ADCY5: variants seen among roughly 807,000 people sequenced by gnomAD.
ADCY5 encodes the protein adenylate cyclase type 5.
In ADCY5, 30 loss-of-function variants were observed where a neutral mutation model predicts 119.7. That is an observed-to-expected ratio of 0.25 (90% confidence interval 0.19 to 0.34). ADCY5 has a LOEUF of 0.34. Among genes scored for constraint, ADCY5 ranks in the 10% least tolerant of loss-of-function variants. ADCY5 has a pLI of 1.00. For synonymous variants in ADCY5, 753 were observed against 762.2 expected (o/e 0.99, Z 0.20); for missense variants, 1,324 against 1,775.2 (o/e 0.75, Z 4.57).
At chr3:123,403,655 A>C (rs1440105590) in intron 1 of ADCY5, among the ~76,000 whole-genome samples, 1 of 152,088 alleles carries the variant, frequency 6.6e-6, no homozygotes, top group African/African-American at 2.4e-5. Context: ...CCTCAACACC[A>C]CTGCCGTGAG....
chr3:123,368,603 T>A (rs1466179158), intron 1 of ADCY5, among the ~76,000 whole-genome samples: 1 of 151,916 alleles, frequency 6.6e-6, no homozygotes, highest in Non-Finnish European at 1.5e-5. Context: ...TCAAAAAAAA[T>A]TAGCTGGACA....
At chr3:123,363,224 T>C (rs1000416029) in intron 1 of ADCY5, among the ~76,000 whole-genome samples, 1 of 114,352 alleles carries the variant, frequency 8.7e-6, no homozygotes, top group Non-Finnish European at 1.9e-5. Context: ...AAAGTAAAAA[T>C]ACAAATGACT....
Position 123,425,775 on chromosome 3 carries a change from T to C in ADCY5, c.1134+21637A>G, listed in dbSNP as rs372751052. On this transcript the variant is annotated intron_variant, in intron 1 of 20. Coordinates refer to ENST00000462833, the MANE Select transcript of ADCY5 (RefSeq NM_183357.3). ...GCTTACAAGCTGGTCCCAGTCAGGT[T>C]CTAGGGGCAGCCTGGCTCCTGGAAG... Among the ~76,000 whole-genome samples the C allele has an allele frequency of 3.6e-4, 52 of 145,966 alleles. 1 individual carries two copies. In the East Asian group the frequency reaches 0.011, roughly 31 times the overall value.
At chr3:123,345,409 C>G (rs1294390871) in intron 3 of ADCY5, among the ~76,000 whole-genome samples, 1 of 152,164 alleles carries the variant, frequency 6.6e-6, no homozygotes, top group Admixed American at 6.5e-5. Flanking sequence ...ACTGAATGAG[C>G]GAAACCTGCA....
chr3:123,376,700 G>C (rs60414302), intron 1 of ADCY5, among the ~76,000 whole-genome samples: 31,905 of 152,040 alleles, frequency 0.21, 3,494 homozygotes, highest in Middle Eastern at 0.25. Flanking sequence ...AGTGGCTGGC[G>C]TGAGTGAAGA....
At chr3:123,329,101 A>G (rs1941639664) in intron 5 of ADCY5, among the ~76,000 whole-genome samples, 1 of 152,242 alleles carries the variant, frequency 6.6e-6, no homozygotes, top group African/African-American at 2.4e-5. Flanking sequence ...CTGCCCTGTC[A>G]ATTAAATTGT....
Position 123,316,698 on chromosome 3 carries a change from G to A in ADCY5, c.2354+1322C>T, listed in dbSNP as rs80055690. 2.6e-4 allele frequency among the ~76,000 whole-genome samples: 40 copies of A among 152,306 alleles called. No individual in the cohort carries two copies. The East Asian group carries it at 7.7e-3, about 29-fold the overall frequency. ...GACCCTGGCTACAAATAAACTAAAA[G>A]TAGAAGACATTTTGGGGGACAGTTT... On this transcript the variant is annotated intron_variant, in intron 11 of 20. Coordinates refer to ENST00000462833, the MANE Select transcript of ADCY5 (RefSeq NM_183357.3).
intron 1 of ADCY5, among the ~76,000 whole-genome samples, chr3:123,385,703 T>C (rs900309752): frequency 6.6e-6 from 1 of 152,192 alleles, no homozygotes; most frequent in African/African-American, 2.4e-5. Context: ...CTTGGACAAG[T>C]TACTTAACCT....
Position 123,283,573 on chromosome 3 carries a change from ACTGCTCTGGTGG to A in ADCY5, c.*1023_*1034del, listed in dbSNP as rs1186928168. On this transcript the variant is annotated 3_prime_UTR_variant, in exon 21 of 21. Coordinates refer to ENST00000462833, the MANE Select transcript of ADCY5 (RefSeq NM_183357.3). ...TATGGTACCCCAAAAGCACACACCC[ACTGCTCTGGTGG>A]TACCTTGGAAAACCCAAAACTGCCA... 1 of 152,212 alleles carries A rather than the reference ACTGCTCTGGTGG, an allele frequency of 6.6e-6. No homozygotes were observed. Among genetic ancestry groups the A allele is most frequent in the East Asian group, 1.9e-4 (1 of 5,186 alleles). 9.4% of individuals were successfully genotyped at this position (152,212 alleles called of 1,614,324 possible).
At chr3:123,308,292 C>T (rs576705575) in intron 12 of ADCY5, among the ~76,000 whole-genome samples, 23 of 151,894 alleles carry the variant, frequency 1.5e-4, no homozygotes, top group Non-Finnish European at 3.2e-4. Flanking sequence ...CCGCCTCAGC[C>T]TCCCAAAGTG....
intron 1 of ADCY5, among the ~76,000 whole-genome samples, chr3:123,374,940 G>A (rs1943765975): frequency 6.6e-6 from 1 of 152,232 alleles, no homozygotes; most frequent in African/African-American, 2.4e-5. Context: ...CTGAAGGGTT[G>A]AGAAGTGCCC....
intron 1 of ADCY5, among the ~76,000 whole-genome samples, chr3:123,434,389 T>C (rs1160721854): frequency 6.6e-6 from 1 of 152,156 alleles, no homozygotes; most frequent in East Asian, 1.9e-4. Context: ...CAGGAATCTA[T>C]CACCCCCAGT....
chr3:123,443,710 GTGGGAGATGGGT>G (rs1371939617), intron 1 of ADCY5, among the ~76,000 whole-genome samples: 2 of 152,216 alleles, frequency 1.3e-5, no homozygotes, highest in African/African-American at 4.8e-5. Context: ...ACAGGGTGGG[GTGGGAGATGGGT>G]TGTCCCACAC....
At chr3:123,293,364 G>A (rs551574320) in intron 17 of ADCY5, among the ~76,000 whole-genome samples, 138 of 152,310 alleles carry the variant, frequency 9.1e-4, no homozygotes, top group African/African-American at 3.3e-3. Flanking sequence ...CCATCCCAAG[G>A]GCCTGCTTTC....
At chr3:123,409,654 G>T (rs1028543443) in intron 1 of ADCY5, among the ~76,000 whole-genome samples, 2 of 152,110 alleles carry the variant, frequency 1.3e-5, no homozygotes, top group African/African-American at 2.4e-5. Flanking sequence ...CAAATTATTG[G>T]GCTCCACCTC....
chr3:123,408,424 G>T (rs564287335), intron 1 of ADCY5, among the ~76,000 whole-genome samples: 1 of 151,158 alleles, frequency 6.6e-6, no homozygotes, highest in African/African-American at 2.4e-5. Flanking sequence ...TTGGGAGGCC[G>T]AGGTGGGCGG....
chr3:123,432,262 C>G (rs1945536815), intron 1 of ADCY5, among the ~76,000 whole-genome samples: 1 of 152,244 alleles, frequency 6.6e-6, no homozygotes, highest in South Asian at 2.1e-4. Flanking sequence ...CTGATCCACA[C>G]TCACATTTAT....
intron 20 of ADCY5, among the ~76,000 whole-genome samples, chr3:123,285,779 C>T (rs1938709709): frequency 6.6e-6 from 1 of 152,318 alleles, no homozygotes; most frequent in East Asian, 1.9e-4. Flanking sequence ...ATCCTGCTGT[C>T]CTTCTCTCCT....
chr3:123,407,691 A>T (rs1473343180), intron 1 of ADCY5, among the ~76,000 whole-genome samples: 1 of 149,856 alleles, frequency 6.7e-6, no homozygotes, highest in Non-Finnish European at 1.5e-5. Flanking sequence ...AGCCAGGGAG[A>T]TAAAGGCTAC....
Sources: gnomAD v4.1 joint callset for allele counts (sites outside exome capture counted in the v4.1 genomes callset) on GRCh38, gnomAD v4.1.1 for gene constraint, MANE v1.5 for transcripts, NCBI Gene and HGNC (gene_info 2026-07-23, HGNC 2026-07-21) for gene names.